CSMD1: variants seen among roughly 807,000 people sequenced by gnomAD.
CSMD1 encodes CUB and sushi domain-containing protein 1.
CSMD1 carries 213 observed loss-of-function variants against 417.5 expected under a neutral mutation model. The ratio of observed to expected loss-of-function variants is 0.51; its 90% CI spans 0.46 to 0.57. The LOEUF (loss-of-function observed/expected upper bound fraction) is 0.57, where lower values mean the gene tolerates loss of function less well. Ranked by LOEUF, CSMD1 falls within the 20% of genes least tolerant of loss-of-function variation. CSMD1 has a pLI of 0.00. For missense variants in CSMD1, 6,923 were observed against 4,529.7 expected (o/e 1.53, Z -15.17); for synonymous variants, 2,862 against 1,736.8 (o/e 1.65, Z -16.11).
chr8:3,469,551 T>C (rs1184942888), intron 11 of CSMD1, among the ~76,000 whole-genome samples: 1 of 152,102 alleles, frequency 6.6e-6, no homozygotes, highest in African/African-American at 2.4e-5. Context: ...CTAAATCCAT[T>C]GATTGAACTC....
chr8:4,347,265 T>C (rs916037213), intron 3 of CSMD1, among the ~76,000 whole-genome samples: 1 of 152,094 alleles, frequency 6.6e-6, no homozygotes, highest in Non-Finnish European at 1.5e-5. Context: ...CGATTTGGGG[T>C]AATCTCACCT....
At chr8:3,623,513 TGAA>T (rs779787241) in intron 7 of CSMD1, among the ~76,000 whole-genome samples, 18 of 152,196 alleles carry the variant, frequency 1.2e-4, no homozygotes, top group Non-Finnish European at 2.2e-4. Flanking sequence ...TAATTACAAA[TGAA>T]GCGCTAAAAA....
intron 5 of CSMD1, among the ~76,000 whole-genome samples, chr8:3,975,360 G>C (rs2130123939): frequency 6.6e-6 from 1 of 152,202 alleles, no homozygotes; most frequent in Non-Finnish European, 1.5e-5. Context: ...ATATAATAAT[G>C]TTATGTTTCT....
chr8:4,018,183 T>A (rs1311088032), intron 4 of CSMD1, among the ~76,000 whole-genome samples: 3 of 152,198 alleles, frequency 2.0e-5, no homozygotes, highest in Non-Finnish European at 4.4e-5. Flanking sequence ...TAAATACACA[T>A]CTTTTACATA....
At chr8:4,069,098 C>G (rs982892664) in intron 3 of CSMD1, among the ~76,000 whole-genome samples, 2 of 152,118 alleles carry the variant, frequency 1.3e-5, no homozygotes, top group Non-Finnish European at 2.9e-5. Context: ...TTGTCATGGA[C>G]TCCATTTTGA....
chr8:4,072,526 G>A (rs1348530434), intron 3 of CSMD1, among the ~76,000 whole-genome samples: 3 of 152,124 alleles, frequency 2.0e-5, no homozygotes, highest in African/African-American at 4.8e-5. Context: ...GCTCTAAACA[G>A]GAATCACATA....
At chr8:4,133,271 C>G (rs924054390) in intron 3 of CSMD1, among the ~76,000 whole-genome samples, 1 of 152,014 alleles carries the variant, frequency 6.6e-6, no homozygotes, top group African/African-American at 2.4e-5. Context: ...GCAAAGACTT[C>G]AATAAAACTG....
intron 1 of CSMD1, among the ~76,000 whole-genome samples, chr8:4,908,627 G>A (rs1408416044): frequency 6.6e-6 from 1 of 151,676 alleles, no homozygotes; most frequent in Non-Finnish European, 1.5e-5. Flanking sequence ...TCTTTTCTAG[G>A]CTATATTCAG....
intron 3 of CSMD1, among the ~76,000 whole-genome samples, chr8:4,100,847 CT>C (rs1462009093): frequency 1.3e-5 from 2 of 152,052 alleles, no homozygotes; most frequent in Non-Finnish European, 2.9e-5. Flanking sequence ...AAGCAAGAGC[CT>C]CAGAGACTTA....
At chr8:3,750,456 AATT>A (rs550863104) in intron 6 of CSMD1, among the ~76,000 whole-genome samples, 111 of 151,952 alleles carry the variant, frequency 7.3e-4, no homozygotes, top group Non-Finnish European at 1.1e-3. Context: ...TTTTCACTAT[AATT>A]ATTATTGTTG....
chr8:2,993,550 T>C lies in CSMD1; in HGVS notation c.8377+4461A>G, dbSNP rs538206069. Among the ~76,000 whole-genome samples, 5 of 152,288 alleles carry C rather than the reference T, an allele frequency of 3.3e-5. No homozygotes were observed. The South Asian group carries it at 1.0e-3, about 32-fold the overall frequency. ...AAAAATATTTTTTAGGAAGTCGGCT[T>C]CCAATTATTTGAGAAGGATCCATCT... On this transcript the variant is annotated intron_variant, in intron 54 of 69. Transcript: ENST00000635120.
intron 2 of CSMD1, among the ~76,000 whole-genome samples, chr8:4,475,946 G>C (rs1800781060): frequency 6.6e-6 from 1 of 151,856 alleles, no homozygotes; most frequent in Non-Finnish European, 1.5e-5. Flanking sequence ...TATTGCTGTT[G>C]GTTTCATTTT....
chr8:4,564,214 T>G (rs1358683575), intron 2 of CSMD1, among the ~76,000 whole-genome samples: 1 of 152,202 alleles, frequency 6.6e-6, no homozygotes, highest in Non-Finnish European at 1.5e-5. Context: ...TTCCTTCCCC[T>G]GGACATGCAC....
At chr8:3,771,029 T>TGTG (rs1798541600) in intron 5 of CSMD1, among the ~76,000 whole-genome samples, 2 of 151,432 alleles carry the variant, frequency 1.3e-5, no homozygotes, top group East Asian at 2.0e-4. Flanking sequence ...TGTGTGTGTG[T>TGTG]CTGCGTGCGT....
chr8:4,674,370 G>C (rs918955826), intron 1 of CSMD1, among the ~76,000 whole-genome samples: 2 of 152,128 alleles, frequency 1.3e-5, no homozygotes, highest in African/African-American at 2.4e-5. Context: ...TTGATGCCAG[G>C]ATAGGTTGAA....
At chr8:3,292,315 T>TG (rs1270057004) in intron 25 of CSMD1, among the ~76,000 whole-genome samples, 1 of 152,064 alleles carries the variant, frequency 6.6e-6, no homozygotes, top group Admixed American at 6.6e-5. Context: ...TGATTTGGGG[T>TG]GGAGAGTTCT....
intron 2 of CSMD1, among the ~76,000 whole-genome samples, chr8:4,438,025 G>C (rs1478686884): frequency 1.3e-5 from 2 of 152,088 alleles, no homozygotes; most frequent in African/African-American, 4.8e-5. Flanking sequence ...AGGGGGCATG[G>C]AATACTTCCA....
At position 4,154,966 on chromosome 8, in the gene CSMD1, G is replaced by T. The variant is rs117280333; in HGVS notation, c.416-122867C>A. On this transcript the variant is annotated intron_variant, in intron 3 of 69. Transcript: ENST00000635120. ...AAAATGTTATATTGAAAATTAAGTG[G>T]GCTACCCTAATGCTACTCCAGAAAC... 3.8e-3 allele frequency among the ~76,000 whole-genome samples: 571 copies of T among 152,202 alleles called. 2 individuals carry two copies. The highest frequency in any genetic ancestry group is 6.7e-3 in the Admixed American group (102 of 15,296).
At position 4,191,688 on chromosome 8, in the gene CSMD1, T is replaced by C. The variant is rs555863905; in HGVS notation, c.416-159589A>G. ...ATTCATCAGATTGATTTCAGTTCTT[T>C]GTGCCTTTACCAAATATATATACTC... is the stretch of plus-strand genomic sequence containing the variant. On this transcript the variant is annotated intron_variant, in intron 3 of 69. Transcript: ENST00000635120. Among the ~76,000 whole-genome samples the C allele has an allele frequency of 4.6e-4, 69 of 151,046 alleles. 1 individual carries two copies. Among genetic ancestry groups the C allele is most frequent in the Admixed American group, 1.3e-3 (20 of 15,108 alleles).
Sources: gnomAD v4.1 joint callset for allele counts (sites outside exome capture counted in the v4.1 genomes callset) on GRCh38, gnomAD v4.1.1 for gene constraint, MANE v1.5 for transcripts, NCBI Gene and HGNC (gene_info 2026-07-23, HGNC 2026-07-21) for gene names.